The following SLC30A8 variants were observed in gnomAD, a reference collection of about 807,000 sequenced individuals.
SLC30A8 encodes the protein solute carrier family 30 member 8.
In SLC30A8, 27 loss-of-function variants were observed where a neutral mutation model predicts 36.9. The observed-to-expected ratio is 0.73, with a 90% CI of 0.54 to 1.01. The LOEUF is 1.01. Ranked by LOEUF, SLC30A8 falls within the 50% of genes least tolerant of loss-of-function variation. The pLI is 0.00. For synonymous variants in SLC30A8, 164 were observed against 172.4 expected, an observed-to-expected ratio of 0.95 and a Z score of 0.38; for missense variants, 439 against 452.0, an observed-to-expected ratio of 0.97 and a Z score of 0.26.
intron 2 of SLC30A8, among the ~76,000 whole-genome samples, chr8:117,054,355 C>T (rs1817803361): frequency 6.6e-6 from 1 of 152,266 alleles, no homozygotes; most frequent in East Asian, 1.9e-4. Flanking sequence ...CTTGTCTCAG[C>T]TTCTCAAAGT....
chr8:116,951,699 T>C (rs1404824293), intron 1 of SLC30A8, among the ~76,000 whole-genome samples: 1 of 152,198 alleles, frequency 6.6e-6, no homozygotes, highest in Admixed American at 6.5e-5. Context: ...TTAACTTTAT[T>C]GAACAGCATG....
chr8:117,036,566 A>C (rs1045272245), intron 1 of SLC30A8, among the ~76,000 whole-genome samples: 5 of 152,150 alleles, frequency 3.3e-5, no homozygotes, highest in Non-Finnish European at 5.9e-5. Context: ...GGAAACTTCC[A>C]ATCATGGCGG....
chr8:117,104,317 C>A (rs1819873962), intron 2 of SLC30A8, among the ~76,000 whole-genome samples: 1 of 152,098 alleles, frequency 6.6e-6, no homozygotes, highest in Admixed American at 6.6e-5. Flanking sequence ...TTGGGAACCT[C>A]AGTTAAATAT....
chr8:116,996,496 G>A (rs1301838090), intron 1 of SLC30A8, among the ~76,000 whole-genome samples: 2 of 152,070 alleles, frequency 1.3e-5, no homozygotes, highest in Admixed American at 6.5e-5. Flanking sequence ...TTTTTGTGGT[G>A]AGGGTACTTA....
intron 2 of SLC30A8, among the ~76,000 whole-genome samples, chr8:117,152,144 C>T (rs1173471052): frequency 1.3e-5 from 2 of 152,128 alleles, no homozygotes; most frequent in Non-Finnish European, 2.9e-5. Flanking sequence ...CAGCAAAAGC[C>T]CTTTGCTGGG....
chr8:117,024,225 G>A (rs1857811), intron 1 of SLC30A8, among the ~76,000 whole-genome samples: 101,386 of 152,096 alleles, frequency 0.67, 35,364 homozygotes, highest in African/African-American at 0.89. Flanking sequence ...AAAACAAATT[G>A]TGTTTTCTAA....
chr8:116,977,119 T>C (rs1232868099), intron 1 of SLC30A8, among the ~76,000 whole-genome samples: 1 of 143,992 alleles, frequency 6.9e-6, no homozygotes, highest in East Asian at 2.0e-4. Context: ...GCCTGGCCTT[T>C]TCTTTCTTTT....
At chr8:116,958,193 A>C (rs1814285370) in intron 1 of SLC30A8, among the ~76,000 whole-genome samples, 1 of 152,128 alleles carries the variant, frequency 6.6e-6, no homozygotes, top group South Asian at 2.1e-4. Flanking sequence ...ATGGGCCCTC[A>C]CTTAGGCAGG....
rs977482635 is a variant in SLC30A8 at position 117,172,356 on chromosome 8, G to C, written c.965-180G>C. 3.9e-5 allele frequency among the ~76,000 whole-genome samples: 6 copies of C among 152,150 alleles called. No individual in the cohort carries two copies. The South Asian group carries it at 6.2e-4, about 16-fold the overall frequency. On this transcript the variant is annotated intron_variant, in intron 7 of 7. Coordinates refer to ENST00000456015, the MANE Select transcript of SLC30A8 (RefSeq NM_173851.3). ...CGACAGGGCACTTTGCTGCACTAGA[G>C]TTTCCCCTGCCTTGTCTGTGTGAAT...
At chr8:117,123,625 T>C (rs1820775944) in intron 2 of SLC30A8, among the ~76,000 whole-genome samples, 2 of 152,030 alleles carry the variant, frequency 1.3e-5, no homozygotes, top group African/African-American at 4.8e-5. Flanking sequence ...TACTTTGTCA[T>C]TTTTAACAGC....
chr8:117,131,923 T>C (rs1174530988), upstream of SLC30A8, among the ~76,000 whole-genome samples: 2 of 151,978 alleles, frequency 1.3e-5, no homozygotes, highest in Non-Finnish European at 2.9e-5. Context: ...CAAGGTCACA[T>C]ATCTAAGAAA....
chr8:116,965,884 AT>A lies in SLC30A8; in HGVS notation c.-266+14781del, dbSNP rs528650121. Among the ~76,000 whole-genome samples, 726 of 138,832 alleles carry A rather than the reference AT, an allele frequency of 5.2e-3. 3 individuals carry two copies. Among genetic ancestry groups the A allele is most frequent in the African/African-American group, 0.013 (496 of 37,814 alleles). 91.1% of individuals were successfully genotyped at this position (138,832 alleles called of 152,430 possible). On this transcript the variant is annotated intron_variant, in intron 1 of 10. Transcript: ENST00000427715. ...CTAACAATATTTTTAATTTTTTTTA[AT>A]TTTTTTTTTTTTTTTGGAGATGGAG... is the stretch of plus-strand genomic sequence containing the variant.
Position 117,157,791 on chromosome 8 carries a change from C to A in SLC30A8, c.519C>A (p.Ile173=). 1 of 1,614,116 alleles carries A rather than the reference C, an allele frequency of 6.2e-7. No individual in the cohort carries two copies. Among genetic ancestry groups the A allele is most frequent in the Non-Finnish European group, 8.5e-7 (1 of 1,180,014 alleles). Residue 173 remains isoleucine, a synonymous_variant, in exon 4 of 8, where the codon ATC becomes ATA. Coordinates refer to ENST00000456015, the MANE Select transcript of SLC30A8 (RefSeq NM_173851.3). ...CERLLYPDYQ[I]QATVMIIVSS... is the part of the protein sequence containing the mutation. Reference sequence around the variant, plus strand: ...GCCTGCTGTATCCTGATTACCAGATCCAGGCGACTGTGATGATCATCGTTT... The same window carrying A: ...GCCTGCTGTATCCTGATTACCAGATACAGGCGACTGTGATGATCATCGTTT...
intron 1 of SLC30A8, among the ~76,000 whole-genome samples, chr8:117,026,751 T>A (rs1462004386): frequency 6.6e-6 from 1 of 152,236 alleles, no homozygotes; most frequent in East Asian, 1.9e-4. Flanking sequence ...TTGTGCACTC[T>A]TGCTATCTGC....
chr8:117,073,627 A>T (rs1359320156), intron 2 of SLC30A8, among the ~76,000 whole-genome samples: 1 of 152,188 alleles, frequency 6.6e-6, no homozygotes, highest in Non-Finnish European at 1.5e-5. Flanking sequence ...TTCTTTAAAA[A>T]ATTTCCTCTG....
At chr8:116,994,092 C>T (rs1332233109) in intron 1 of SLC30A8, among the ~76,000 whole-genome samples, 1 of 151,564 alleles carries the variant, frequency 6.6e-6, no homozygotes, top group East Asian at 1.9e-4. Context: ...GCTCAGATAG[C>T]TTCACTGGTG....
chr8:117,160,571 A>G (rs965965351), intron 4 of SLC30A8, among the ~76,000 whole-genome samples: 2 of 152,224 alleles, frequency 1.3e-5, no homozygotes, highest in African/African-American at 4.8e-5. Context: ...ATGTCTGCAT[A>G]TGAGTGACTA....
At chr8:117,161,988 T>A in intron 5 of SLC30A8, 100 bp downstream of exon 5, 1 of 1,060,386 alleles carries the variant, frequency 9.4e-7, no homozygotes. Flanking sequence ...CATCCTCTGT[T>A]TACCTATACA....
intron 1 of SLC30A8, among the ~76,000 whole-genome samples, chr8:116,968,768 C>T (rs895808705): frequency 2.6e-5 from 4 of 151,876 alleles, no homozygotes; most frequent in Non-Finnish European, 2.9e-5. Flanking sequence ...GATGGAGTCT[C>T]GTTCTGTCAC....
Sources: allele counts gnomAD v4.1 joint callset (sites outside exome capture counted in the v4.1 genomes callset), GRCh38; gene constraint gnomAD v4.1.1; transcripts MANE v1.5; gene names NCBI Gene and HGNC (gene_info 2026-07-23, HGNC 2026-07-21).